KRTAP5-9: variants seen among roughly 807,000 people sequenced by gnomAD.
KRTAP5-9 encodes the protein keratin-associated protein 5-9.
KRTAP5-9 carries 2 observed loss-of-function variants against 3.0 expected under a neutral mutation model. That is an observed-to-expected ratio of 0.67 (90% CI 0.27 to 2.09). The LOEUF (loss-of-function observed/expected upper bound fraction) is 2.09, where lower values mean the gene tolerates loss of function less well. Ranked by LOEUF, KRTAP5-9 falls within the 30% of genes most tolerant of loss-of-function variation. KRTAP5-9 has a pLI of 0.14. For missense variants in KRTAP5-9, 183 were observed against 204.2 expected (o/e 0.90, Z 0.63); for synonymous variants, 70 against 81.2 (o/e 0.86, Z 0.74).
In KRTAP5-9 at chr11:71,548,815, C is replaced by T. The variant is rs779838236; in HGVS notation, c.158C>T (p.Ser53Phe). 1 of 1,613,806 alleles carries T rather than the reference C, an allele frequency of 6.2e-7. No individual in the cohort carries two copies. Among genetic ancestry groups the T allele is most frequent in the African/African-American group, 1.3e-5 (1 of 74,862 alleles). The change falls in exon 1 of 1, where the codon TCC becomes TTC. Residue 53 changes from serine to phenylalanine, a missense_variant. By Grantham distance (155) the Ser-to-Phe change is radical. Transcript: ENST00000528743. The stretch of plus-strand genomic sequence containing the variant: ...GTGTGCTGCTGTGTTCCAGCCTGTT[C>T]CTGCTCTAGCTGTGGCAAGCGGGGC... Reference protein sequence around the residue: ...KPVCCCVPACSCSSCGKRGCG... With the variant: ...KPVCCCVPACFCSSCGKRGCG...
Position 71,549,047 on chromosome 11 carries a change from C to T in KRTAP5-9, c.390C>T (p.Cys130=). 7 of 1,608,408 alleles carry T rather than the reference C, an allele frequency of 4.4e-6. No individual in the cohort carries two copies. Among genetic ancestry groups the T allele is most frequent in the Non-Finnish European group, 5.9e-6 (7 of 1,179,566 alleles). ...GGTCATCCTGCTGCCAATCCAGCTG[C>T]TGCAAGCCCTGCTGCTCATCCTCAG... The part of the protein sequence containing the change: ...GRGSSCCQSS[C]CKPCCSSSGC... The change falls in exon 1 of 1, where the codon TGC becomes TGT. Residue 130 remains cysteine, a synonymous_variant. Transcript: ENST00000528743.
chr11:71,548,915 C>A lies in KRTAP5-9; in HGVS notation c.258C>A (p.Cys86Ter). ...GCSQCSCCKP[C>*]CCSSGCGSSC... Reference sequence around the variant, plus strand: ...CCCAGTGCAGTTGCTGCAAGCCCTGCTGTTGCTCTTCAGGCTGTGGGTCAT... The same window carrying A: ...CCCAGTGCAGTTGCTGCAAGCCCTGATGTTGCTCTTCAGGCTGTGGGTCAT... Residue 86 changes from cysteine to a stop codon, truncating the protein, a stop_gained, in exon 1 of 1, where the codon TGC becomes TGA. Coordinates refer to ENST00000528743, the MANE Select transcript of KRTAP5-9 (RefSeq NM_005553.4). LOFTEE classifies it low-confidence loss of function (END_TRUNC). 1 of 1,613,360 alleles carries A rather than the reference C, an allele frequency of 6.2e-7. No homozygotes were observed. Among genetic ancestry groups the A allele is most frequent in the Non-Finnish European group, 8.5e-7 (1 of 1,179,404 alleles).
At position 71,549,260 on chromosome 11, in the gene KRTAP5-9, G is replaced by T; in HGVS notation, c.*93G>T. Reference sequence around the variant, plus strand: ...GCACATCCCCTTCTGGATCTGAAAAGAGCCCTTGGCTCAGGGCGTCTTTTT... The same window carrying T: ...GCACATCCCCTTCTGGATCTGAAAATAGCCCTTGGCTCAGGGCGTCTTTTT... On this transcript the variant is annotated 3_prime_UTR_variant, in exon 1 of 1. Coordinates refer to ENST00000528743, the MANE Select transcript of KRTAP5-9 (RefSeq NM_005553.4). 2 of 1,560,380 alleles carry T rather than the reference G, an allele frequency of 1.3e-6. No homozygotes were observed. Among genetic ancestry groups the T allele is most frequent in the South Asian group, 1.2e-5 (1 of 84,694 alleles).
At position 71,548,916 on chromosome 11, in the gene KRTAP5-9, T is replaced by C. The variant is rs1950109465; in HGVS notation, c.259T>C (p.Cys87Arg). ...CCAGTGCAGTTGCTGCAAGCCCTGCTGTTGCTCTTCAGGCTGTGGGTCATC... is the reference window on the plus strand; with the variant it reads ...CCAGTGCAGTTGCTGCAAGCCCTGCCGTTGCTCTTCAGGCTGTGGGTCATC... Reference protein sequence around the residue: ...CSQCSCCKPCCCSSGCGSSCC... With the variant: ...CSQCSCCKPCRCSSGCGSSCC... The change falls in exon 1 of 1, where the codon TGT (cysteine) becomes CGT (arginine). Residue 87 changes from cysteine to arginine, a missense_variant. Transcript: ENST00000528743. 1 of 1,613,352 alleles carries C rather than the reference T, an allele frequency of 6.2e-7. No individual in the cohort carries two copies.
Position 71,548,553 on chromosome 11 carries a change from T to C in KRTAP5-9, c.-105T>C. ...CAGCAACCGGAAAGAGAAACAATGGTGTGTTCCTATGTGGGATATAAAGAG... is the reference window on the plus strand; with the variant it reads ...CAGCAACCGGAAAGAGAAACAATGGCGTGTTCCTATGTGGGATATAAAGAG... On this transcript the variant is annotated 5_prime_UTR_variant, in exon 1 of 1. Transcript: ENST00000528743. 6.6e-7 allele frequency: 1 copy of C among 1,526,094 alleles called. No homozygotes were observed. Among genetic ancestry groups the C allele is most frequent in the African/African-American group, 1.4e-5 (1 of 71,986 alleles). The allele number at this position is 1,526,094 out of a possible 1,614,324, so 94.5% of individuals were successfully genotyped here. A position where few individuals can be genotyped will look rare whatever the true frequency, so the allele number is the denominator to read the frequency against.
At position 71,549,084 on chromosome 11, in the gene KRTAP5-9, T is replaced by A. The variant is rs1295331430; in HGVS notation, c.427T>A (p.Ser143Thr). 4 of 1,612,950 alleles carry A rather than the reference T, an allele frequency of 2.5e-6. No individual in the cohort carries two copies. Among genetic ancestry groups the A allele is most frequent in the Non-Finnish European group, 3.4e-6 (4 of 1,179,548 alleles). ...PCCSSSGCGS[S>T]CCQSSCCKPC... ...CTGCTCATCCTCAGGCTGTGGGTCA[T>A]CCTGCTGCCAGTCCAGCTGCTGCAA... Residue 143 changes from serine (S) to threonine (T), a missense_variant, in exon 1 of 1, where the codon TCC (serine) becomes ACC (threonine). By Grantham distance (58) the Ser-to-Thr change is moderately conservative. Transcript: ENST00000528743.
chr11:71,548,616 C>A lies in KRTAP5-9; in HGVS notation c.-42C>A. 6.3e-7 allele frequency: 1 copy of A among 1,588,680 alleles called. No individual in the cohort carries two copies. Among genetic ancestry groups the A allele is most frequent in the South Asian group, 1.2e-5 (1 of 85,128 alleles). ...GGGCTCCACACCTGCACCTCCTTCT[C>A]ACCTGCTCCTCTACCTGCTCCACCC... On this transcript the variant is annotated 5_prime_UTR_variant, in exon 1 of 1. An upstream open reading frame in the 5' UTR gains an earlier in-frame stop. Coordinates refer to ENST00000528743, the MANE Select transcript of KRTAP5-9 (RefSeq NM_005553.4).
In KRTAP5-9 at chr11:71,548,677, C is replaced by T. The variant is rs2120638139; in HGVS notation, c.20C>T (p.Ser7Phe). 1 of 1,610,904 alleles carries T rather than the reference C, an allele frequency of 6.2e-7. No homozygotes were observed. The highest frequency in any genetic ancestry group is 8.5e-7 in the Non-Finnish European group (1 of 1,179,006). The change falls in exon 1 of 1, where the codon TCC (serine) becomes TTC (phenylalanine). Residue 7 changes from serine (S) to phenylalanine (F), a missense_variant. Coordinates refer to ENST00000528743, the MANE Select transcript of KRTAP5-9 (RefSeq NM_005553.4). MGCCGC[S>F]GGCGSSCGGC... ...AGAACCATGGGCTGCTGTGGCTGCTCCGGAGGCTGTGGCTCCAGCTGTGGA... is the reference window on the plus strand; with the variant it reads ...AGAACCATGGGCTGCTGTGGCTGCTTCGGAGGCTGTGGCTCCAGCTGTGGA...
rs1376509580 is a variant in KRTAP5-9 at position 71,548,479 on chromosome 11, A to G, written c.-179A>G. On this transcript the variant is annotated 5_prime_UTR_variant, in exon 1 of 1. Coordinates refer to ENST00000528743, the MANE Select transcript of KRTAP5-9 (RefSeq NM_005553.4). ...CTCATACTTGGATCCAGAAAATATC[A>G]ACATAGCCAAAGAAAAACAATCAAG... 1.5e-6 allele frequency: 2 copies of G among 1,300,744 alleles called. No individual in the cohort carries two copies. Among genetic ancestry groups the G allele is most frequent in the African/African-American group, 3.0e-5 (2 of 67,240 alleles). 80.6% of individuals were successfully genotyped at this position (1,300,744 alleles called of 1,614,324 possible).
Position 71,549,040 on chromosome 11 carries a change from C to T in KRTAP5-9, c.383C>T (p.Ser128Phe), listed in dbSNP as rs1480519588. ...GGTCGTGGGTCATCCTGCTGCCAAT[C>T]CAGCTGCTGCAAGCCCTGCTGCTCA... ...SSGRGSSCCQ[S>F]SCCKPCCSSS... Residue 128 changes from serine (S) to phenylalanine (F), a missense_variant, in exon 1 of 1, where the codon TCC (serine) becomes TTC (phenylalanine). Transcript: ENST00000528743. 1 of 1,605,514 alleles carries T rather than the reference C, an allele frequency of 6.2e-7. No individual in the cohort carries two copies. Among genetic ancestry groups the T allele is most frequent in the South Asian group, 1.1e-5 (1 of 90,852 alleles).
rs200807487 is a variant in KRTAP5-9 at position 71,548,857 on chromosome 11, G to A, written c.200G>A (p.Gly67Asp). The change falls in exon 1 of 1, where the codon GGC (glycine) becomes GAC (aspartate). Residue 67 changes from glycine (G) to aspartate (D), a missense_variant. Transcript: ENST00000528743. ...CGKRGCGSCGGSKGGCGSCGC... is the reference protein window; with the variant it reads ...CGKRGCGSCGDSKGGCGSCGC... ...AAGCGGGGCTGTGGCTCCTGTGGGG[G>A]CTCCAAGGGAGGCTGTGGTTCTTGT... 2.8e-4 allele frequency: 456 copies of A among 1,614,160 alleles called. 1 individual carries two copies. In the African/African-American group the frequency reaches 4.6e-3, roughly 16 times the overall value.
Position 71,549,442 on chromosome 11 carries a change from T to TC in KRTAP5-9, c.*279dup. 1.7e-6 allele frequency: 1 copy of TC among 575,142 alleles called. No homozygotes were observed. Among genetic ancestry groups the TC allele is most frequent in the East Asian group, 3.0e-5 (1 of 33,578 alleles). 35.6% of individuals were successfully genotyped at this position (575,142 alleles called of 1,614,324 possible). Reference sequence around the variant, plus strand: ...CTCATGCCAAGCAAGAGCCTGGAATTCCCCTTCTTGATAATTCCATGGGAG... The same window carrying TC: ...CTCATGCCAAGCAAGAGCCTGGAATTCCCCCTTCTTGATAATTCCATGGGAG... On this transcript the variant is annotated 3_prime_UTR_variant, in exon 1 of 1. Coordinates refer to ENST00000528743, the MANE Select transcript of KRTAP5-9 (RefSeq NM_005553.4).
Position 71,548,849 on chromosome 11 carries a change from C to T in KRTAP5-9, c.192C>T (p.Ser64=), listed in dbSNP as rs1354157172. Reference sequence around the variant, plus strand: ...GCTGTGGCAAGCGGGGCTGTGGCTCCTGTGGGGGCTCCAAGGGAGGCTGTG... The same window carrying T: ...GCTGTGGCAAGCGGGGCTGTGGCTCTTGTGGGGGCTCCAAGGGAGGCTGTG... ...CSSCGKRGCG[S]CGGSKGGCGS... Residue 64 remains serine, a synonymous_variant, in exon 1 of 1, where the codon TCC becomes TCT. Transcript: ENST00000528743. The T allele has an allele frequency of 1.9e-6, 3 of 1,614,044 alleles. No individual in the cohort carries two copies. Among genetic ancestry groups the T allele is most frequent in the African/African-American group, 2.7e-5 (2 of 74,914 alleles).
chr11:71,548,725 G>A lies in KRTAP5-9; in HGVS notation c.68G>A (p.Ser23Asn), dbSNP rs972996036. 1 of 1,613,032 alleles carries A rather than the reference G, an allele frequency of 6.2e-7. No homozygotes were observed. The highest frequency in any genetic ancestry group is 1.3e-5 in the African/African-American group (1 of 74,910). Residue 23 changes from serine to asparagine, a missense_variant, in exon 1 of 1, where the codon AGC becomes AAC. By Grantham distance (46) the Ser-to-Asn change is conservative (BLOSUM62 1). Coordinates refer to ENST00000528743, the MANE Select transcript of KRTAP5-9 (RefSeq NM_005553.4). ...SCGGCDSSCG[S>N]CGSGCRGCGP... The stretch of plus-strand genomic sequence containing the variant: ...GGAGGCTGTGACTCCAGCTGTGGGA[G>A]CTGTGGCTCTGGCTGCAGGGGCTGT...
Position 71,548,954 on chromosome 11 carries a change from C to T in KRTAP5-9, c.297C>T (p.Cys99=). 6.2e-7 allele frequency: 1 copy of T among 1,602,410 alleles called. No homozygotes were observed. ...SSGCGSSCCQ[C]SCCKPYCSQC... is the part of the protein sequence containing the mutation. ...GCTGTGGGTCATCCTGCTGCCAGTG[C>T]AGCTGCTGCAAGCCCTACTGCTCCC... The change falls in exon 1 of 1, where the codon TGC becomes TGT. Residue 99 remains cysteine (C), a synonymous_variant. Transcript: ENST00000528743.
chr11:71,549,169 GCTCTAGTGGGAAAC>G lies in KRTAP5-9; in HGVS notation c.*6_*19del, dbSNP rs541030146. 1,527 of 1,614,160 alleles carry G rather than the reference GCTCTAGTGGGAAAC, an allele frequency of 9.5e-4. 23 individuals are homozygous for G. In the South Asian group the frequency reaches 0.016, roughly 17 times the overall value. The stretch of plus-strand genomic sequence containing the variant: ...GTGTGCTACCAGTGCAAGATCTGAG[GCTCTAGTGGGAAAC>G]CTCAGGTAGCTCCTGAAGATCTGTG... On this transcript the variant is annotated 3_prime_UTR_variant, in exon 1 of 1. Coordinates refer to ENST00000528743, the MANE Select transcript of KRTAP5-9 (RefSeq NM_005553.4).
rs1348286433 is a variant in KRTAP5-9 at position 71,548,594 on chromosome 11, C to T, written c.-64C>T. 1 of 1,573,566 alleles carries T rather than the reference C, an allele frequency of 6.4e-7. No homozygotes were observed. The highest frequency in any genetic ancestry group is 8.6e-7 in the Non-Finnish European group (1 of 1,163,446). ...ATATAAAGAGCCGGGGCTCAGGGGG[C>T]TCCACACCTGCACCTCCTTCTCACC... On this transcript the variant is annotated 5_prime_UTR_variant, in exon 1 of 1. Transcript: ENST00000528743.
Position 71,549,327 on chromosome 11 carries a change from C to A in KRTAP5-9, c.*160C>A. The A allele has an allele frequency of 9.2e-7, 1 of 1,088,246 alleles. No homozygotes were observed. The highest frequency in any genetic ancestry group is 1.3e-6 in the Non-Finnish European group (1 of 759,600). The allele number at this position is 1,088,246 out of a possible 1,614,324, so 67.4% of individuals were successfully genotyped here. On this transcript the variant is annotated 3_prime_UTR_variant, in exon 1 of 1. Coordinates refer to ENST00000528743, the MANE Select transcript of KRTAP5-9 (RefSeq NM_005553.4). Reference sequence around the variant, plus strand: ...TGGAATGAACCACTCCCTGCCCATTCCCTATAAGAATATCCCAAGACCCAG... The same window carrying A: ...TGGAATGAACCACTCCCTGCCCATTACCTATAAGAATATCCCAAGACCCAG...
chr11:71,548,424 T>G lies in KRTAP5-9; in HGVS notation c.-234T>G. On this transcript the variant is annotated 5_prime_UTR_variant, in exon 1 of 1. In the 5' UTR this introduces an upstream ATG that the reference lacks. Transcript: ENST00000528743. ...AGCTGTTTTTCCTTTCAGTATGAAT[T>G]CCACAAGGAAATCATCTCAGGAGGA... 1 of 873,838 alleles carries G rather than the reference T, an allele frequency of 1.1e-6. No individual in the cohort carries two copies. Among genetic ancestry groups the G allele is most frequent in the Non-Finnish European group, 1.7e-6 (1 of 584,810 alleles). The allele number at this position is 873,838 out of a possible 1,614,324, so 54.1% of individuals were successfully genotyped here.
Sources: allele counts gnomAD v4.1 joint callset, GRCh38; gene constraint gnomAD v4.1.1; transcripts MANE v1.5; gene names NCBI Gene and HGNC (gene_info 2026-07-23, HGNC 2026-07-21).